PRKD1: variants seen among roughly 807,000 people sequenced by gnomAD.
PRKD1 encodes serine/threonine-protein kinase D1.
In PRKD1, 63 loss-of-function variants were observed where a neutral mutation model predicts 95.9. The ratio of observed to expected loss-of-function variants is 0.66; its 90% CI spans 0.54 to 0.81. The LOEUF (loss-of-function observed/expected upper bound fraction) is 0.81, where lower values mean the gene tolerates loss of function less well. Among genes scored for constraint, PRKD1 ranks in the 30% least tolerant of loss-of-function variants. PRKD1 has a pLI of 0.00. For missense variants in PRKD1, 1,048 were observed against 1,165.3 expected, an observed-to-expected ratio of 0.90 and a Z score of 1.47; for synonymous variants, 425 against 423.1, an observed-to-expected ratio of 1.00 and a Z score of -0.05.
intron 1 of PRKD1, among the ~76,000 whole-genome samples, chr14:29,782,382 A>G (rs1245735317): frequency 6.6e-6 from 1 of 152,220 alleles, no homozygotes; most frequent in Non-Finnish European, 1.5e-5. Flanking sequence ...AGCAAAACCC[A>G]AAAGGTCCTA....
chr14:29,775,083 C>A (rs1192398534), intron 1 of PRKD1, among the ~76,000 whole-genome samples: 1 of 151,942 alleles, frequency 6.6e-6, no homozygotes, highest in African/African-American at 2.4e-5. Flanking sequence ...TAGTTGGAAG[C>A]AGCAGAAACA....
At chr14:29,609,841 A>C (rs1489916594) in intron 13 of PRKD1, among the ~76,000 whole-genome samples, 1 of 151,404 alleles carries the variant, frequency 6.6e-6, no homozygotes, top group African/African-American at 2.4e-5. Context: ...TTACAGGCAT[A>C]AGCCACCATG....
chr14:29,653,066 C>T (rs1881610333), intron 4 of PRKD1, among the ~76,000 whole-genome samples: 1 of 152,050 alleles, frequency 6.6e-6, no homozygotes, highest in Non-Finnish European at 1.5e-5. Context: ...ACGTATGCAG[C>T]CTAGAGCTCA....
At chr14:29,911,982 A>G (rs915657677) in intron 1 of PRKD1, among the ~76,000 whole-genome samples, 3 of 152,114 alleles carry the variant, frequency 2.0e-5, no homozygotes, top group African/African-American at 4.8e-5. Flanking sequence ...CTTACAGCCT[A>G]TTTAATTCCT....
chr14:29,801,439 A>G (rs1890022948), intron 1 of PRKD1, among the ~76,000 whole-genome samples: 3 of 152,224 alleles, frequency 2.0e-5, no homozygotes, highest in Non-Finnish European at 4.4e-5. Flanking sequence ...GCCTCCAATG[A>G]ACATGAATAA....
chr14:29,859,635 T>C (rs1353851987), intron 1 of PRKD1, among the ~76,000 whole-genome samples: 1 of 150,420 alleles, frequency 6.6e-6, no homozygotes, highest in Non-Finnish European at 1.5e-5. Context: ...CTGACAGTAA[T>C]AATGTCTTTA....
At chr14:29,645,376 T>C (rs1881059821) in intron 4 of PRKD1, among the ~76,000 whole-genome samples, 1 of 152,182 alleles carries the variant, frequency 6.6e-6, no homozygotes, top group South Asian at 2.1e-4. Context: ...ACAGCTGCTA[T>C]TGCATAAACA....
intron 1 of PRKD1, among the ~76,000 whole-genome samples, chr14:29,910,804 T>C (rs1228433365): frequency 6.6e-6 from 1 of 152,194 alleles, no homozygotes; most frequent in East Asian, 1.9e-4. Context: ...TTCTGTGGAG[T>C]TGATCTATAC....
chr14:29,801,963 C>T (rs1890051312), intron 1 of PRKD1, among the ~76,000 whole-genome samples: 1 of 152,244 alleles, frequency 6.6e-6, no homozygotes, highest in Admixed American at 6.5e-5. Flanking sequence ...GCTGGGATTA[C>T]AGGCATGAGC....
At chr14:29,846,484 C>T (rs1174064375) in intron 1 of PRKD1, among the ~76,000 whole-genome samples, 1 of 152,172 alleles carries the variant, frequency 6.6e-6, no homozygotes. Context: ...GCACCATACA[C>T]ATCTCAACAG....
At chr14:29,659,059 T>C (rs1882049794) in intron 4 of PRKD1, among the ~76,000 whole-genome samples, 1 of 152,160 alleles carries the variant, frequency 6.6e-6, no homozygotes, top group South Asian at 2.1e-4. Flanking sequence ...TCTAGGTGTA[T>C]AGCTTGATGA....
At position 29,598,302 on chromosome 14, in the gene PRKD1, T is replaced by G. The variant is rs61980479; in HGVS notation, c.2167-544A>C. Among the ~76,000 whole-genome samples, 132 of 60,770 alleles carry G rather than the reference T, an allele frequency of 2.2e-3. 3 individuals carry two copies. Among genetic ancestry groups the G allele is most frequent in the African/African-American group, 9.2e-3 (72 of 7,864 alleles). 39.9% of individuals were successfully genotyped at this position (60,770 alleles called of 152,430 possible). On this transcript the variant is annotated intron_variant, in intron 15 of 17. Coordinates refer to ENST00000331968, the MANE Select transcript of PRKD1 (RefSeq NM_002742.3). Reference sequence around the variant, plus strand: ...TAAAATAAAATAAAATAAAATAAAATAAAATAAAATAAAATAAAATAAAAA... The same window carrying G: ...TAAAATAAAATAAAATAAAATAAAAGAAAATAAAATAAAATAAAATAAAAA...
At chr14:29,776,236 G>A (rs921176601) in intron 1 of PRKD1, among the ~76,000 whole-genome samples, 85 of 152,204 alleles carry the variant, frequency 5.6e-4, no homozygotes, top group Admixed American at 3.7e-3. Flanking sequence ...AAATCAGAGC[G>A]CCTCTTCTCC....
intron 1 of PRKD1, among the ~76,000 whole-genome samples, chr14:29,768,490 C>T (rs947002402): frequency 2.6e-5 from 4 of 152,078 alleles, no homozygotes; most frequent in African/African-American, 9.7e-5. Context: ...AATTCTTCTA[C>T]TATCCCTTTT....
chr14:29,774,781 G>A (rs768226324), intron 1 of PRKD1, among the ~76,000 whole-genome samples: 41 of 152,274 alleles, frequency 2.7e-4, no homozygotes, highest in Non-Finnish European at 5.1e-4. Context: ...CTAATATGAA[G>A]AGGATAACGG....
At chr14:29,691,510 G>A (rs957875448) in intron 2 of PRKD1, among the ~76,000 whole-genome samples, 1 of 152,160 alleles carries the variant, frequency 6.6e-6, no homozygotes, top group African/African-American at 2.4e-5. Flanking sequence ...GGTCCACAGT[G>A]ACCTCAACAG....
chr14:29,602,427 C>CTTTTTTTTTTTTTTTTTTTT (rs11331211), intron 13 of PRKD1, among the ~76,000 whole-genome samples: 7 of 131,438 alleles, frequency 5.3e-5, no homozygotes, highest in Non-Finnish European at 4.8e-5. Context: ...CTGTATTCCT[C>CTTTTTTTTTTTTTTTTTTTT]TTTTTTTTTT....
intron 1 of PRKD1, among the ~76,000 whole-genome samples, chr14:29,853,137 CAATG>C (rs1246478045): frequency 1.3e-5 from 2 of 152,148 alleles, no homozygotes; most frequent in South Asian, 2.1e-4. Flanking sequence ...TTACAAGAGA[CAATG>C]AATATTATTT....
At chr14:29,811,761 T>C (rs1004092427) in intron 1 of PRKD1, among the ~76,000 whole-genome samples, 19 of 152,196 alleles carry the variant, frequency 1.2e-4, no homozygotes, top group African/African-American at 4.3e-4. Flanking sequence ...GTCTTGGGCA[T>C]GTTCCATTAT....
Sources: gnomAD v4.1 joint callset for allele counts (sites outside exome capture counted in the v4.1 genomes callset) on GRCh38, gnomAD v4.1.1 for gene constraint, MANE v1.5 for transcripts, NCBI Gene and HGNC (gene_info 2026-07-23, HGNC 2026-07-21) for gene names.